The following PJA2 variants were observed in gnomAD, a reference collection of about 807,000 sequenced individuals.
PJA2 encodes E3 ubiquitin-protein ligase Praja-2.
Under a neutral mutation model 69.3 loss-of-function variants are expected in PJA2, and 25 were observed. The ratio of observed to expected loss-of-function variants is 0.36; its 90% CI spans 0.26 to 0.50. The LOEUF (loss-of-function observed/expected upper bound fraction) is 0.50. Among genes scored for constraint, PJA2 ranks in the 20% least tolerant of loss-of-function variants. The pLI, the probability that PJA2 is intolerant of heterozygous loss-of-function variation, is 0.96. For missense variants in PJA2, 809 were observed against 830.2 expected (o/e 0.97, Z 0.31); for synonymous variants, 308 against 277.8 (o/e 1.11, Z -1.08).
chr5:109,389,419 T>C (rs1747233777), intron 1 of PJA2, among the ~76,000 whole-genome samples: 1 of 152,164 alleles, frequency 6.6e-6, no homozygotes, highest in Admixed American at 6.5e-5. Context: ...AGTTGTCAAA[T>C]GTATTATCAA....
At chr5:109,347,670 T>C (rs1291997882) in intron 7 of PJA2, among the ~76,000 whole-genome samples, 1 of 152,190 alleles carries the variant, frequency 6.6e-6, no homozygotes, top group African/African-American at 2.4e-5. Context: ...CACAGTACCA[T>C]AAATACTCCT....
Position 109,383,405 on chromosome 5 carries a change from G to C in PJA2, c.29C>G (p.Ala10Gly). The C allele has an allele frequency of 6.2e-7, 1 of 1,613,090 alleles. No homozygotes were observed. Among genetic ancestry groups the C allele is most frequent in the South Asian group, 1.1e-5 (1 of 90,970 alleles). MSQYTEKEP[A>G]AMDQESGKAV... ...GTAGAAGAACTGACTTTCCTTACCT[G>C]CTGGCTCCTTTTCAGTGTACTGTGA... The change falls in exon 2 of 10, where the codon GCA becomes GGA. Residue 10 changes from alanine to glycine, a missense_variant and splice_region_variant. Physicochemically the swap from Ala to Gly is moderately conservative, Grantham distance 60. Around this residue, in one of 4 missense-constraint regions of PJA2, gnomAD observed 700 missense variants for 639.5 expected, o/e 1.09. Transcript: ENST00000361189.
chr5:109,403,831 G>A (rs373657945), intron 1 of PJA2, among the ~76,000 whole-genome samples: 2 of 151,796 alleles, frequency 1.3e-5, no homozygotes, highest in African/African-American at 2.4e-5. Flanking sequence ...CAACACTTTG[G>A]GGGGCCAAGG....
intron 7 of PJA2, among the ~76,000 whole-genome samples, chr5:109,354,964 C>T (rs1762388324): frequency 6.6e-6 from 1 of 151,524 alleles, no homozygotes; most frequent in Non-Finnish European, 1.5e-5. Context: ...AAAAACCCCA[C>T]AAAAAACCAA....
intron 1 of PJA2, among the ~76,000 whole-genome samples, chr5:109,404,402 T>C (rs1212389362): frequency 1.3e-5 from 2 of 151,532 alleles, no homozygotes; most frequent in Admixed American, 1.3e-4. Context: ...ACGCCTGTAA[T>C]CCCAGCTACT....
At chr5:109,388,213 A>G (rs1747201999) in intron 1 of PJA2, among the ~76,000 whole-genome samples, 1 of 143,134 alleles carries the variant, frequency 7.0e-6, no homozygotes, top group Non-Finnish European at 1.6e-5. Flanking sequence ...GACCCACAGA[A>G]AGCCCACATG....
intron 4 of PJA2, among the ~76,000 whole-genome samples, chr5:109,372,935 GA>G (rs1027295546): frequency 1.8e-4 from 14 of 78,748 alleles, no homozygotes; most frequent in Admixed American, 1.0e-3. Context: ...AAGAAAGAAA[GA>G]AAAAAAAATT....
At chr5:109,358,573 C>T (rs188076744) in intron 6 of PJA2, among the ~76,000 whole-genome samples, 1 of 152,320 alleles carries the variant, frequency 6.6e-6, no homozygotes, top group East Asian at 1.9e-4. Context: ...AATCCCAGCA[C>T]TTTGGGAGGC....
chr5:109,389,593 T>C (rs1019713966), intron 1 of PJA2, among the ~76,000 whole-genome samples: 6 of 152,050 alleles, frequency 3.9e-5, no homozygotes, highest in African/African-American at 1.4e-4. Flanking sequence ...TAACTGACTG[T>C]AAAACTTTCC....
At chr5:109,406,332 G>A (rs192440976) in intron 1 of PJA2, among the ~76,000 whole-genome samples, 42 of 152,272 alleles carry the variant, frequency 2.8e-4, no homozygotes, top group Admixed American at 2.2e-3. Flanking sequence ...GAGCCACCGC[G>A]CCAGGCCCAC....
intron 1 of PJA2, among the ~76,000 whole-genome samples, chr5:109,400,586 A>G (rs1213255047): frequency 6.6e-6 from 1 of 152,190 alleles, no homozygotes; most frequent in Non-Finnish European, 1.5e-5. Context: ...ATAAATCCCA[A>G]GAAGCTCAGT....
intron 9 of PJA2, among the ~76,000 whole-genome samples, chr5:109,342,364 C>G (rs867108290): frequency 3.7e-5 from 3 of 80,744 alleles, no homozygotes; most frequent in African/African-American, 3.8e-5. Context: ...CCGCCCCGTC[C>G]GGGAGGGAGG....
At chr5:109,372,248 A>AT (rs1385529353) in intron 4 of PJA2, among the ~76,000 whole-genome samples, 1 of 152,242 alleles carries the variant, frequency 6.6e-6, no homozygotes, top group East Asian at 1.9e-4. Context: ...AATAACACTT[A>AT]TAATTTACTG....
intron 1 of PJA2, among the ~76,000 whole-genome samples, chr5:109,387,881 TA>T (rs1747195363): frequency 6.6e-6 from 1 of 152,212 alleles, no homozygotes; most frequent in Non-Finnish European, 1.5e-5. Flanking sequence ...TCTGACAGTA[TA>T]TTTAAACAGT....
At chr5:109,402,016 A>G (rs1049715625) in intron 1 of PJA2, among the ~76,000 whole-genome samples, 6 of 152,224 alleles carry the variant, frequency 3.9e-5, no homozygotes, top group African/African-American at 9.6e-5. Flanking sequence ...CTGACACTAT[A>G]TAAAATGTGG....
At chr5:109,375,346 C>A (rs1746838400) in intron 4 of PJA2, among the ~76,000 whole-genome samples, 1 of 151,712 alleles carries the variant, frequency 6.6e-6, no homozygotes, top group African/African-American at 2.4e-5. Flanking sequence ...CCCATCTCTA[C>A]TAAAAATACA....
chr5:109,354,769 A>T (rs1429704476), intron 7 of PJA2, among the ~76,000 whole-genome samples: 1 of 147,864 alleles, frequency 6.8e-6, no homozygotes, highest in Non-Finnish European at 1.5e-5. Context: ...TAAATATATT[A>T]TTAAATATAT....
At chr5:109,344,934 T>C (rs894232437) in intron 7 of PJA2, 115 bp from the exon 8 acceptor site, 1 of 649,556 alleles carries the variant, frequency 1.5e-6, no homozygotes, top group African/African-American at 1.8e-5. Flanking sequence ...GTTAGTTTCT[T>C]TTGCTTTAGT....
chr5:109,406,921 AGCC>A (rs1747703748), intron 1 of PJA2, among the ~76,000 whole-genome samples: 2 of 152,360 alleles, frequency 1.3e-5, no homozygotes, highest in Admixed American at 6.5e-5. Context: ...CAAGAGAAAA[AGCC>A]AGATACAAAA....
Sources: allele counts gnomAD v4.1 joint callset (sites outside exome capture counted in the v4.1 genomes callset), GRCh38; gene constraint gnomAD v4.1.1; regional missense constraint gnomAD v4.1.1; transcripts MANE v1.5; gene names NCBI Gene and HGNC (gene_info 2026-07-23, HGNC 2026-07-21).